KCTD1: variants seen among roughly 807,000 people sequenced by gnomAD.
KCTD1 encodes potassium channel tetramerization domain containing 1.
In KCTD1, 24 loss-of-function variants were observed where a neutral mutation model predicts 66.0. The ratio of observed to expected loss-of-function variants is 0.36; its 90% CI spans 0.26 to 0.51. The LOEUF (loss-of-function observed/expected upper bound fraction) is 0.51. Ranked by LOEUF, KCTD1 falls within the 20% of genes least tolerant of loss-of-function variation. The pLI is 0.95. For missense variants in KCTD1, 943 were observed against 1,205.2 expected, an observed-to-expected ratio of 0.78 and a Z score of 3.22; for synonymous variants, 511 against 517.2, an observed-to-expected ratio of 0.99 and a Z score of 0.16.
chr18:26,550,565 G>GACACACACACACACACACAC (rs60922405), upstream of KCTD1, among the ~76,000 whole-genome samples: 102 of 140,566 alleles, frequency 7.3e-4, 1 homozygote, highest in African/African-American at 2.2e-3. This position sits in a 1 kb window ranked among gnomAD's most constrained non-coding sequence, Gnocchi z 5.4. Context: ...AAGACACACA[G>GACACACACACACACACACAC]ACACACACAC....
chr18:26,481,647 A>G (rs760470463), intron 2 of KCTD1, among the ~76,000 whole-genome samples: 6 of 152,220 alleles, frequency 3.9e-5, no homozygotes, highest in Admixed American at 2.6e-4. Context: ...GCCACATCTG[A>G]AATCACGCCT....
Position 26,548,512 on chromosome 18 carries a change from C to T in KCTD1, c.25G>A (p.Asp9Asn). 2 of 1,228,938 alleles carry T rather than the reference C, an allele frequency of 1.6e-6. No homozygotes were observed. Among genetic ancestry groups the T allele is most frequent in the Non-Finnish European group, 2.0e-6 (2 of 990,218 alleles). 76.1% of individuals were successfully genotyped at this position (1,228,938 alleles called of 1,614,324 possible). ...CTGCCGCCCGCGCTGGTGTTACAGT[C>T]CCCGCTGCCAGGCATTCTCGCCATA... MARMPGSGDCNTSAGGSAS... is the reference protein window; with the variant it reads MARMPGSGNCNTSAGGSAS... The change falls in exon 1 of 5, where the codon GAC becomes AAC. Residue 9 changes from aspartate (D) to asparagine (N), a missense_variant. Physicochemically the swap from Asp to Asn is conservative, Grantham distance 23. Transcript: ENST00000580059.
At chr18:26,489,048 T>A (rs962852605) in intron 2 of KCTD1, among the ~76,000 whole-genome samples, 5 of 152,148 alleles carry the variant, frequency 3.3e-5, no homozygotes, top group African/African-American at 1.2e-4. Flanking sequence ...CTGACTCTCA[T>A]CCCCTGCTCG....
Position 26,476,793 on chromosome 18 carries a change from A to G in KCTD1, c.1989-134T>C, listed in dbSNP as rs1981372972. ...GTAGGGAAAAATTACGATTGTCTGC[A>G]AAGTGTTGGTCCCCGCTTGATAAAT... is the stretch of plus-strand genomic sequence containing the variant. On this transcript the variant is annotated intron_variant, in intron 2 of 4. Coordinates refer to ENST00000580059, the MANE Select transcript of KCTD1 (RefSeq NM_001142730.3). This position sits in a 1 kb window ranked among gnomAD's most constrained non-coding sequence, Gnocchi z 4.9. 1.4e-6 allele frequency: 1 copy of G among 712,404 alleles called. No individual in the cohort carries two copies. Among genetic ancestry groups the G allele is most frequent in the Non-Finnish European group, 2.4e-6 (1 of 422,270 alleles). 44.1% of individuals were successfully genotyped at this position (712,404 alleles called of 1,614,324 possible). A position where few individuals can be genotyped will look rare whatever the true frequency, so the allele number is the denominator to read the frequency against.
chr18:26,504,705 TG>T (rs199912985), intron 1 of KCTD1, among the ~76,000 whole-genome samples: 1 of 145,858 alleles, frequency 6.9e-6, no homozygotes. Context: ...AGGCTGGGGT[TG>T]GGGGGGCGAT....
In KCTD1 at chr18:26,472,939, G is replaced by T. The variant is rs114846499; in HGVS notation, c.2133+3576C>A. On this transcript the variant is annotated intron_variant, in intron 3 of 4. Coordinates refer to ENST00000580059, the MANE Select transcript of KCTD1 (RefSeq NM_001142730.3). ...TGGGGCTGCTGTCTAAACCCAATCA[G>T]TCCCCTTGATCATGTCTGAGAGTGT... is the stretch of plus-strand genomic sequence containing the variant. 5.9e-3 allele frequency among the ~76,000 whole-genome samples: 903 copies of T among 152,294 alleles called. 5 individuals are homozygous for T. The highest frequency in any genetic ancestry group is 0.02 in the African/African-American group (840 of 41,548).
At chr18:26,639,356 G>C (rs905116562) in intron 1 of KCTD1, among the ~76,000 whole-genome samples, 1 of 152,154 alleles carries the variant, frequency 6.6e-6, no homozygotes, top group Non-Finnish European at 1.5e-5. Context: ...CAGCAGATGC[G>C]GGGCTCCCGA....
At chr18:26,500,727 A>G (rs1456108926) in intron 2 of KCTD1, among the ~76,000 whole-genome samples, 2 of 152,218 alleles carry the variant, frequency 1.3e-5, no homozygotes, top group African/African-American at 4.8e-5. Context: ...ACCTATAAGA[A>G]AGCATGTTTT....
intron 1 of KCTD1, among the ~76,000 whole-genome samples, chr18:26,616,798 A>T (rs530824649): frequency 1.3e-5 from 2 of 152,270 alleles, no homozygotes; most frequent in East Asian, 3.9e-4. Flanking sequence ...GATTACAAGC[A>T]TGAGCCATGG....
intron 1 of KCTD1, among the ~76,000 whole-genome samples, chr18:26,638,401 C>T (rs1005544274): frequency 6.6e-6 from 1 of 152,012 alleles, no homozygotes; most frequent in Non-Finnish European, 1.5e-5. Flanking sequence ...GCACAGCATA[C>T]AATTCATTTT....
chr18:26,594,475 G>T (rs545204777), intron 1 of KCTD1, among the ~76,000 whole-genome samples: 2 of 152,242 alleles, frequency 1.3e-5, no homozygotes, highest in African/African-American at 4.8e-5. Flanking sequence ...TAAGAATATA[G>T]TGCACATATA....
intron 3 of KCTD1, among the ~76,000 whole-genome samples, chr18:26,475,876 A>G (rs1171214339): frequency 6.6e-6 from 1 of 152,170 alleles, no homozygotes; most frequent in Non-Finnish European, 1.5e-5. Flanking sequence ...ACAAACAAAA[A>G]AAGCTATATA....
upstream of KCTD1, among the ~76,000 whole-genome samples, chr18:26,631,651 G>C (rs1021644684): frequency 6.6e-6 from 1 of 152,126 alleles, no homozygotes; most frequent in East Asian, 1.9e-4. Context: ...CAACATAGCA[G>C]CTATTCCTAA....
chr18:26,592,475 A>T (rs1986630722), intron 1 of KCTD1, among the ~76,000 whole-genome samples: 1 of 152,144 alleles, frequency 6.6e-6, no homozygotes, highest in African/African-American at 2.4e-5. Flanking sequence ...CATGTCCTCC[A>T]ATCTCTAGTT....
intron 1 of KCTD1, chr18:26,599,577 C>A: frequency 6.7e-7 from 1 of 1,501,142 alleles, no homozygotes; most frequent in Non-Finnish European, 9.3e-7. Context: ...CACAAAGAAT[C>A]CAGCTTTGAC....
At chr18:26,529,171 A>AT (rs1261367626) in intron 1 of KCTD1, among the ~76,000 whole-genome samples, 1 of 152,064 alleles carries the variant, frequency 6.6e-6, no homozygotes, top group East Asian at 1.9e-4. Context: ...TAGCATGTCA[A>AT]TATCTACTTC....
chr18:26,559,505 G>A (rs550648764), intron 1 of KCTD1, among the ~76,000 whole-genome samples: 2 of 152,332 alleles, frequency 1.3e-5, no homozygotes, highest in East Asian at 3.9e-4. Context: ...AGGTGATTAT[G>A]CTGCTGCTGG....
chr18:26,534,554 C>A (rs1271298677), intron 1 of KCTD1, among the ~76,000 whole-genome samples: 1 of 152,122 alleles, frequency 6.6e-6, no homozygotes, highest in Non-Finnish European at 1.5e-5. Flanking sequence ...TGTATATAAT[C>A]TCTCTCATTT....
chr18:26,642,176 T>A (rs1336092736), upstream of KCTD1, among the ~76,000 whole-genome samples: 1 of 152,178 alleles, frequency 6.6e-6, no homozygotes, highest in Non-Finnish European at 1.5e-5. Flanking sequence ...ACCCAGGAAC[T>A]CTTTGTAATC....
Sources: gnomAD v4.1 joint callset for allele counts (sites outside exome capture counted in the v4.1 genomes callset) on GRCh38, gnomAD v4.1.1 for gene constraint, Gnocchi (gnomAD v3.1) non-coding constraint, MANE v1.5 for transcripts, NCBI Gene and HGNC (gene_info 2026-07-23, HGNC 2026-07-21) for gene names.